The following RAP1A variants were observed in gnomAD, a reference collection of about 807,000 sequenced individuals.
RAP1A encodes the protein RAP1A, member of RAS oncogene family.
RAP1A carries 6 observed loss-of-function variants against 26.4 expected under a neutral mutation model. That is an observed-to-expected ratio of 0.23 (90% CI 0.12 to 0.45). The LOEUF is 0.45. Among genes scored for constraint, RAP1A ranks in the 20% least tolerant of loss-of-function variants. The probability of loss-of-function intolerance (pLI) is 0.99; values close to 1 mark genes in which losing one functional copy is unlikely to be tolerated. For synonymous variants in RAP1A, 73 were observed against 79.4 expected (o/e 0.92, Z 0.43); for missense variants, 121 against 217.2 (o/e 0.56, Z 2.78).
chr1:111,689,797 G>C (rs580210), intron 1 of RAP1A, among the ~76,000 whole-genome samples: 20,009 of 152,086 alleles, frequency 0.13, 1,526 homozygotes, highest in East Asian at 0.21. Context: ...AGCCTCCCAA[G>C]TAGCTGGGAC....
intron 1 of RAP1A, among the ~76,000 whole-genome samples, chr1:111,662,025 C>G (rs1660653106): frequency 6.6e-6 from 1 of 152,074 alleles, no homozygotes; most frequent in South Asian, 2.1e-4. Flanking sequence ...AGATCCTGTT[C>G]AAACTGATTC....
chr1:111,555,195 G>A (rs1362791110), intron 1 of RAP1A, among the ~76,000 whole-genome samples: 1 of 151,460 alleles, frequency 6.6e-6, no homozygotes, highest in Non-Finnish European at 1.5e-5. Flanking sequence ...ACAAGACCCT[G>A]TCTCTACTAA....
chr1:111,640,986 T>A (rs945133362), intron 1 of RAP1A, among the ~76,000 whole-genome samples: 1 of 152,062 alleles, frequency 6.6e-6, no homozygotes, highest in Non-Finnish European at 1.5e-5. Flanking sequence ...ACACCACTAT[T>A]TTTGTTAAGT....
intron 1 of RAP1A, chr1:111,599,793 T>C (rs1042179635): frequency 1.3e-5 from 2 of 152,156 alleles, no homozygotes; most frequent in African/African-American, 2.4e-5. Flanking sequence ...AAGTCTCATG[T>C]TGAAATGTAA....
intron 1 of RAP1A, among the ~76,000 whole-genome samples, chr1:111,583,817 T>C (rs1161535310): frequency 4.6e-5 from 7 of 151,832 alleles, no homozygotes; most frequent in Non-Finnish European, 8.8e-5. Context: ...TAGGAACGAT[T>C]ATATAATAAT....
At chr1:111,609,826 G>T (rs1373327134) in intron 1 of RAP1A, among the ~76,000 whole-genome samples, 1 of 152,074 alleles carries the variant, frequency 6.6e-6, no homozygotes, top group Non-Finnish European at 1.5e-5. Context: ...AGTAGAGATG[G>T]GTTTCACCTT....
In RAP1A at chr1:111,697,416, CTTT is replaced by C. The variant is rs34219774; in HGVS notation, c.127-13_127-11del. On this transcript the variant is annotated intron_variant, in intron 3 of 7. Coordinates refer to ENST00000369709, the MANE Select transcript of RAP1A (RefSeq NM_002884.4). The stretch of plus-strand genomic sequence containing the variant: ...TGAGATTTTGATGTTACTCTTTAAC[CTTT>C]TTTTTTTTTTTGCCCCCACAGCAAG... 888 of 1,560,224 alleles carry C rather than the reference CTTT, an allele frequency of 5.7e-4. No individual in the cohort carries two copies. Among genetic ancestry groups the C allele is most frequent in the Admixed American group, 1.5e-3 (84 of 54,266 alleles).
intron 1 of RAP1A, among the ~76,000 whole-genome samples, chr1:111,567,876 A>G (rs1183891331): frequency 1.3e-5 from 2 of 152,214 alleles, no homozygotes; most frequent in African/African-American, 2.4e-5. Flanking sequence ...AGCCTCCAGA[A>G]CTATGAAAAA....
chr1:111,557,268 G>T (rs138847267), intron 1 of RAP1A, among the ~76,000 whole-genome samples: 1 of 152,130 alleles, frequency 6.6e-6, no homozygotes, highest in Non-Finnish European at 1.5e-5. Flanking sequence ...CTTACAGAAG[G>T]CCAGGCGTGG....
Position 111,714,876 on chromosome 1 carries a change from A to G in RAP1A, c.*2475A>G, listed in dbSNP as rs1479918583. ...ATAAATATCTAGAAACTGATTTCAT[A>G]TTAGTATGTGTGGCTATTTAAAGTA... On this transcript the variant is annotated 3_prime_UTR_variant, in exon 8 of 8. Coordinates refer to ENST00000369709, the MANE Select transcript of RAP1A (RefSeq NM_002884.4). 6.6e-6 allele frequency: 1 copy of G among 152,336 alleles called. No homozygotes were observed. Among genetic ancestry groups the G allele is most frequent in the Middle Eastern group, 3.4e-3 (1 of 294 alleles). The allele number at this position is 152,336 out of a possible 1,614,324, so 9.4% of individuals were successfully genotyped here.
intron 1 of RAP1A, among the ~76,000 whole-genome samples, chr1:111,681,026 C>G (rs939256966): frequency 3.3e-5 from 5 of 152,178 alleles, no homozygotes; most frequent in Non-Finnish European, 7.3e-5. Flanking sequence ...GCAGACGGAT[C>G]GTGAGGTCAG....
At chr1:111,666,392 A>G (rs1429719017) in intron 1 of RAP1A, among the ~76,000 whole-genome samples, 1 of 152,180 alleles carries the variant, frequency 6.6e-6, no homozygotes, top group African/African-American at 2.4e-5. Flanking sequence ...TGCATATATT[A>G]GTTTCCATAT....
chr1:111,682,931 A>G lies in RAP1A; in HGVS notation c.-27-8403A>G, dbSNP rs141997907. Among the ~76,000 whole-genome samples, 1,084 of 152,276 alleles carry G rather than the reference A, an allele frequency of 7.1e-3. 24 individuals are homozygous for G. Among genetic ancestry groups the G allele is most frequent in the Admixed American group, 0.05 (771 of 15,294 alleles). ...TTGACCACATAATTGGAAGTAAAAT[A>G]CTCCTCAGCATATGTAAAGGAACGG... On this transcript the variant is annotated intron_variant, in intron 1 of 7. Transcript: ENST00000369709.
chr1:111,636,319 C>T (rs549437566), intron 1 of RAP1A, among the ~76,000 whole-genome samples: 1 of 152,060 alleles, frequency 6.6e-6, no homozygotes, highest in Non-Finnish European at 1.5e-5. Context: ...TTTAGATAAA[C>T]TCTTGATTTT....
At position 111,665,512 on chromosome 1, in the gene RAP1A, T is replaced by C. The variant is rs529161760; in HGVS notation, c.-27-25822T>C. Among the ~76,000 whole-genome samples the C allele has an allele frequency of 2.0e-5, 3 of 152,334 alleles. No homozygotes were observed. The South Asian group carries it at 6.2e-4, about 32-fold the overall frequency. ...AAGTATTAGTCATGGCCTTAAATTTTTTCTGCATGGTTTACAAATTTTTTG... is the reference window on the plus strand; with the variant it reads ...AAGTATTAGTCATGGCCTTAAATTTCTTCTGCATGGTTTACAAATTTTTTG... On this transcript the variant is annotated intron_variant, in intron 1 of 7. Transcript: ENST00000369709.
At chr1:111,673,365 T>C (rs1226468121) in intron 1 of RAP1A, among the ~76,000 whole-genome samples, 2 of 152,260 alleles carry the variant, frequency 1.3e-5, no homozygotes, top group Non-Finnish European at 1.5e-5. Flanking sequence ...AAATTTCCTT[T>C]AATGAATTTT....
chr1:111,598,221 T>G (rs1658594970), intron 1 of RAP1A, among the ~76,000 whole-genome samples: 1 of 152,240 alleles, frequency 6.6e-6, no homozygotes, highest in Non-Finnish European at 1.5e-5. Flanking sequence ...GGAATCTAAA[T>G]AGCTAACATT....
chr1:111,627,575 C>T (rs969174597), intron 1 of RAP1A: 1 of 151,922 alleles, frequency 6.6e-6, no homozygotes, highest in South Asian at 2.1e-4. Context: ...TCAGTTTTTA[C>T]AATCTTTGCC....
intron 1 of RAP1A, among the ~76,000 whole-genome samples, chr1:111,690,753 C>A (rs1171883971): frequency 3.9e-5 from 6 of 152,108 alleles, no homozygotes; most frequent in African/African-American, 1.4e-4. Flanking sequence ...CTTTTATTTT[C>A]TCTGGCTATT....
Sources: gnomAD v4.1 joint callset for allele counts (sites outside exome capture counted in the v4.1 genomes callset) on GRCh38, gnomAD v4.1.1 for gene constraint, MANE v1.5 for transcripts, NCBI Gene and HGNC (gene_info 2026-07-23, HGNC 2026-07-21) for gene names.